KIRREL3: variants seen among roughly 807,000 people sequenced by gnomAD.
The protein encoded by KIRREL3 is kin of IRRE-like protein 3.
Under a neutral mutation model 89.7 loss-of-function variants are expected in KIRREL3, and 36 were observed. That is an observed-to-expected ratio of 0.40 (90% CI 0.31 to 0.53). The LOEUF (loss-of-function observed/expected upper bound fraction) is 0.53. KIRREL3 is among the 20% of genes least tolerant of loss of function. The pLI, the probability that KIRREL3 is intolerant of heterozygous loss-of-function variation, is 0.49. For missense variants in KIRREL3, 864 were observed against 1,056.6 expected (o/e 0.82, Z 2.53); for synonymous variants, 445 against 441.4 (o/e 1.01, Z -0.10).
In KIRREL3 at chr11:126,760,397, T is replaced by C. The variant is rs149439969; in HGVS notation, c.56-197485A>G. ...CTCTCTCACTTCAGAATGTTTCACC[T>C]AGTTGGTCTTTTCAGTTCGCATTTC... On this transcript the variant is annotated intron_variant, in intron 1 of 16. Transcript: ENST00000525144. Among the ~76,000 whole-genome samples the C allele has an allele frequency of 1.4e-3, 217 of 152,370 alleles. 2 individuals carry two copies. Among genetic ancestry groups the C allele is most frequent in the African/African-American group, 5.1e-3 (210 of 41,582 alleles).
rs1943629941 is a variant in KIRREL3 at position 126,622,860 on chromosome 11, T to C, written c.56-59948A>G. On this transcript the variant is annotated intron_variant, in intron 1 of 16. Coordinates refer to ENST00000525144, the MANE Select transcript of KIRREL3 (RefSeq NM_032531.4). This position sits in a 1 kb window ranked among gnomAD's most constrained non-coding sequence, Gnocchi z 5.2. ...TACATGCACAATTTTATTTGCTTTA[T>C]CTATATTAATTCTTTTCATCCTTAT... is the stretch of plus-strand genomic sequence containing the variant. 6.6e-6 allele frequency among the ~76,000 whole-genome samples: 1 copy of C among 152,212 alleles called. No homozygotes were observed. The highest frequency in any genetic ancestry group is 2.4e-5 in the African/African-American group (1 of 41,458).
chr11:126,479,519 C>T (rs1394486553), intron 4 of KIRREL3, among the ~76,000 whole-genome samples: 1 of 152,222 alleles, frequency 6.6e-6, no homozygotes, highest in Non-Finnish European at 1.5e-5. Context: ...TGCTCCACCT[C>T]AGACCTCCTA....
In KIRREL3 at chr11:126,561,041, C is replaced by T. The variant is rs1036430693; in HGVS notation, c.133+1794G>A. 1.3e-5 allele frequency among the ~76,000 whole-genome samples: 2 copies of T among 152,186 alleles called. No individual in the cohort carries two copies. The highest frequency in any genetic ancestry group is 4.8e-5 in the African/African-American group (2 of 41,432). ...GCATGCTTTCTGATGCCTTTCTTAT[C>T]TGCAGACATGTTGGAGTTTGGGCGT... is the stretch of plus-strand genomic sequence containing the variant. On this transcript the variant is annotated intron_variant, in intron 2 of 16. Transcript: ENST00000525144. The surrounding 1 kb of genome is among the most constrained non-coding windows in gnomAD (Gnocchi z 4.5).
chr11:126,442,168 G>A (rs567484798), intron 10 of KIRREL3, among the ~76,000 whole-genome samples: 2 of 149,986 alleles, frequency 1.3e-5, no homozygotes, highest in South Asian at 4.2e-4. Flanking sequence ...GGCTGAGGCA[G>A]GAGAATTGCT....
chr11:126,827,853 G>A lies in KIRREL3; in HGVS notation c.55+172602C>T, dbSNP rs917662536. On this transcript the variant is annotated intron_variant, in intron 1 of 16. Transcript: ENST00000525144. Reference sequence around the variant, plus strand: ...TTTTTATCTGAACTACTCTGAAAGAGGAGAGGGCACTGCCTTGTCATCTGA... The same window carrying A: ...TTTTTATCTGAACTACTCTGAAAGAAGAGAGGGCACTGCCTTGTCATCTGA... 6.6e-5 allele frequency among the ~76,000 whole-genome samples: 10 copies of A among 152,304 alleles called. No individual in the cohort carries two copies. The East Asian group carries it at 1.9e-3, about 29-fold the overall frequency.
At chr11:126,745,961 T>C (rs1322188697) in intron 1 of KIRREL3, among the ~76,000 whole-genome samples, 1 of 152,218 alleles carries the variant, frequency 6.6e-6, no homozygotes, top group South Asian at 2.1e-4. Flanking sequence ...TTGGCCTCTG[T>C]AACAACTGAA....
At chr11:126,846,556 T>G (rs1944149417) in intron 1 of KIRREL3, among the ~76,000 whole-genome samples, 1 of 152,174 alleles carries the variant, frequency 6.6e-6, no homozygotes, top group South Asian at 2.1e-4. Flanking sequence ...TGTCCTAGGC[T>G]CCACACCTAG....
At position 126,431,182 on chromosome 11, in the gene KIRREL3, C is replaced by A. The variant is rs1166366791; in HGVS notation, c.1696+237G>T. 1.4e-6 allele frequency: 2 copies of A among 1,458,800 alleles called. No individual in the cohort carries two copies. Among genetic ancestry groups the A allele is most frequent in the Non-Finnish European group, 1.8e-6 (2 of 1,104,470 alleles). 90.4% of individuals were successfully genotyped at this position (1,458,800 alleles called of 1,614,324 possible). Reference sequence around the variant, plus strand: ...TGTTCAATCCAAAATGCTGGCTGCCCTGCAGATGAAGTTCAGTCTAGTCCA... The same window carrying A: ...TGTTCAATCCAAAATGCTGGCTGCCATGCAGATGAAGTTCAGTCTAGTCCA... On this transcript the variant is annotated intron_variant, in intron 14 of 16. Coordinates refer to ENST00000525144, the MANE Select transcript of KIRREL3 (RefSeq NM_032531.4). This position sits in a 1 kb window ranked among gnomAD's most constrained non-coding sequence, Gnocchi z 7.1.
At chr11:126,589,879 G>C (rs1942055602) in intron 1 of KIRREL3, among the ~76,000 whole-genome samples, 1 of 152,148 alleles carries the variant, frequency 6.6e-6, no homozygotes, top group Non-Finnish European at 1.5e-5. Flanking sequence ...ATCTTGCCTA[G>C]TGCCCCAGCT....
At chr11:126,779,783 A>T (rs1225838043) in intron 1 of KIRREL3, among the ~76,000 whole-genome samples, 2 of 139,004 alleles carry the variant, frequency 1.4e-5, no homozygotes, top group African/African-American at 2.5e-5. Context: ...CTACCAAGCC[A>T]TCATTATGAT....
At chr11:126,542,901 T>C (rs1938483814) in intron 2 of KIRREL3, among the ~76,000 whole-genome samples, 1 of 152,202 alleles carries the variant, frequency 6.6e-6, no homozygotes, top group South Asian at 2.1e-4. Flanking sequence ...CCTGGGATTG[T>C]GGGCCGTCTT....
In KIRREL3 at chr11:126,669,288, G is replaced by A. The variant is rs138075678; in HGVS notation, c.56-106376C>T. Among the ~76,000 whole-genome samples the A allele has an allele frequency of 2.5e-3, 384 of 152,266 alleles. No individual in the cohort carries two copies. The highest frequency in any genetic ancestry group is 4.5e-3 in the Non-Finnish European group (309 of 68,026). ...ATCTGGGATCCTGGCACTGAGTGAAGTTTTCCTTCAGCGTATTTCAAACAC... is the reference window on the plus strand; with the variant it reads ...ATCTGGGATCCTGGCACTGAGTGAAATTTTCCTTCAGCGTATTTCAAACAC... On this transcript the variant is annotated intron_variant, in intron 1 of 16. Coordinates refer to ENST00000525144, the MANE Select transcript of KIRREL3 (RefSeq NM_032531.4). This position sits in a 1 kb window ranked among gnomAD's most constrained non-coding sequence, Gnocchi z 5.0.
rs1949090207 is a variant in KIRREL3, at chr11:126,744,807, G to A, written c.56-181895C>T. On this transcript the variant is annotated intron_variant, in intron 1 of 16. Transcript: ENST00000525144. This position sits in a 1 kb window ranked among gnomAD's most constrained non-coding sequence, Gnocchi z 4.7. ...CTAGAATATAGGCTTCATGAGGCAG[G>A]TACTGTATTTGCCCTGTTGCCTGCT... is the stretch of plus-strand genomic sequence containing the variant. Among the ~76,000 whole-genome samples, 1 of 151,872 alleles carries A rather than the reference G, an allele frequency of 6.6e-6. No individual in the cohort carries two copies. The highest frequency in any genetic ancestry group is 2.4e-5 in the African/African-American group (1 of 41,332).
intron 1 of KIRREL3, among the ~76,000 whole-genome samples, chr11:126,777,467 G>C (rs973366568): frequency 6.6e-6 from 1 of 151,632 alleles, no homozygotes; most frequent in Non-Finnish European, 1.5e-5. Flanking sequence ...CAAATGACAA[G>C]GTTTTACTCA....
chr11:126,856,576 T>C (rs1944519486), intron 1 of KIRREL3, among the ~76,000 whole-genome samples: 2 of 11,846 alleles, frequency 1.7e-4, no homozygotes, highest in Non-Finnish European at 2.6e-4. Context: ...TATATATATA[T>C]ATATATATAT....
Position 126,476,622 on chromosome 11 carries a change from G to A in KIRREL3, c.434-3156C>T, listed in dbSNP as rs562798957. On this transcript the variant is annotated intron_variant, in intron 4 of 16. Coordinates refer to ENST00000525144, the MANE Select transcript of KIRREL3 (RefSeq NM_032531.4). This position sits in a 1 kb window ranked among gnomAD's most constrained non-coding sequence, Gnocchi z 6.4. ...GGTATTCATGTAGCCAGGCATTATT[G>A]ATTGGTCTTCGCTTCACTGCACACC... Among the ~76,000 whole-genome samples, 8 of 130,482 alleles carry A rather than the reference G, an allele frequency of 6.1e-5. No homozygotes were observed. The highest frequency in any genetic ancestry group is 2.3e-4 in the African/African-American group (8 of 35,348). 85.6% of individuals were successfully genotyped at this position (130,482 alleles called of 152,430 possible).
intron 1 of KIRREL3, among the ~76,000 whole-genome samples, chr11:126,649,608 A>G (rs1383685971): frequency 2.0e-5 from 3 of 152,212 alleles, no homozygotes; most frequent in Non-Finnish European, 4.4e-5. Context: ...TCTCATATCC[A>G]GGTCATGCTG....
chr11:126,536,671 T>G (rs1937916004), intron 2 of KIRREL3, among the ~76,000 whole-genome samples: 1 of 126,124 alleles, frequency 7.9e-6, no homozygotes, highest in Admixed American at 8.7e-5. Flanking sequence ...TTTTTTTGAG[T>G]CTCGTTCTGT....
chr11:126,526,508 G>A lies in KIRREL3; in HGVS notation c.283+30C>T, dbSNP rs1488771781. ...GTGAGTAAGGAAGTGATGGCCCCAG[G>A]CCCACCCCAGGAGGTCTGGAGGTAC... is the stretch of plus-strand genomic sequence containing the variant. On this transcript the variant is annotated intron_variant, in intron 3 of 16. Coordinates refer to ENST00000525144, the MANE Select transcript of KIRREL3 (RefSeq NM_032531.4). This position sits in a 1 kb window ranked among gnomAD's most constrained non-coding sequence, Gnocchi z 5.7. 4 of 1,596,170 alleles carry A rather than the reference G, an allele frequency of 2.5e-6. No individual in the cohort carries two copies. The Admixed American group carries it at 5.1e-5, about 20-fold the overall frequency.
Sources: allele counts gnomAD v4.1 joint callset (sites outside exome capture counted in the v4.1 genomes callset), GRCh38; gene constraint gnomAD v4.1.1; non-coding constraint Gnocchi (gnomAD v3.1); transcripts MANE v1.5; gene names NCBI Gene and HGNC (gene_info 2026-07-23, HGNC 2026-07-21).